STON2: variants seen among roughly 807,000 people sequenced by gnomAD.
STON2 encodes the protein stonin-2.
In STON2, 29 loss-of-function variants were observed where a neutral mutation model predicts 65.7. That is an observed-to-expected ratio of 0.44 (90% CI 0.33 to 0.60). The LOEUF is 0.60. STON2 is among the 20% of genes least tolerant of loss of function. STON2 has a pLI of 0.03. For missense variants in STON2, 1,054 were observed against 1,118.1 expected (o/e 0.94, Z 0.82); for synonymous variants, 404 against 414.2 (o/e 0.98, Z 0.30).
chr14:81,287,175 A>G (rs1440597172), intron 5 of STON2, among the ~76,000 whole-genome samples: 1 of 152,214 alleles, frequency 6.6e-6, no homozygotes, highest in African/African-American at 2.4e-5. Flanking sequence ...GGAGCTTCTA[A>G]CGTGCGTAAA....
At chr14:81,394,463 T>A (rs1425522126) in intron 3 of STON2, among the ~76,000 whole-genome samples, 1 of 152,100 alleles carries the variant, frequency 6.6e-6, no homozygotes, top group Non-Finnish European at 1.5e-5. Flanking sequence ...TACCCCAAGA[T>A]GTCCACATCT....
rs1894396557 is a variant in STON2 at position 81,267,344 on chromosome 14, CTG to C, written c.*1068_*1069del. On this transcript the variant is annotated 3_prime_UTR_variant, in exon 8 of 8. Coordinates refer to ENST00000614646, the MANE Select transcript of STON2 (RefSeq NM_001394390.1). ...GATGCCTTTTCAATCCAATCCAATA[CTG>C]TGATTATCAAACTCTGAATTTTGGG... The C allele has an allele frequency of 1.0e-6, 1 of 985,140 alleles. No individual in the cohort carries two copies. Among genetic ancestry groups the C allele is most frequent in the African/African-American group, 1.7e-5 (1 of 57,184 alleles). 61.0% of individuals were successfully genotyped at this position (985,140 alleles called of 1,614,324 possible).
At position 81,277,273 on chromosome 14, in the gene STON2, C is replaced by CTAA. The variant is rs1566883416; in HGVS notation, c.2208_2209insTTA (p.Thr736_Val737insLeu). On this transcript the variant is annotated inframe_insertion, in exon 6 of 8. Transcript: ENST00000614646. Reference sequence around the variant, plus strand: ...AAAGGCAAGGTCTTCTCAGCAAACACTGTCCTGAACCGCATTAGCTCAAAC... The same window carrying CTAA: ...AAAGGCAAGGTCTTCTCAGCAAACACTAATGTCCTGAACCGCATTAGCTCAAAC... 2 of 1,614,220 alleles carry CTAA rather than the reference C, an allele frequency of 1.2e-6. No individual in the cohort carries two copies. The highest frequency in any genetic ancestry group is 8.5e-7 in the Non-Finnish European group (1 of 1,180,040).
At chr14:81,337,552 TG>T (rs1169013475) in intron 4 of STON2, among the ~76,000 whole-genome samples, 2 of 152,090 alleles carry the variant, frequency 1.3e-5, no homozygotes, top group African/African-American at 4.8e-5. Context: ...ATGAGGTGGT[TG>T]GGGAAGGCCT....
At position 81,262,528 on chromosome 14, in the gene STON2, A is replaced by T. The variant is rs540114121; in HGVS notation, c.*5886T>A. The T allele has an allele frequency of 1.9e-5, 19 of 985,282 alleles. No homozygotes were observed. In the Admixed American group the frequency reaches 1.2e-3, roughly 61 times the overall value. 61.0% of individuals were successfully genotyped at this position (985,282 alleles called of 1,614,324 possible). On this transcript the variant is annotated 3_prime_UTR_variant, in exon 8 of 8. Transcript: ENST00000614646. ...TTTTGAGGCTTGGTACCCAATGCTGATTTGTCATCTCTCTAGATTTTACTT... is the reference window on the plus strand; with the variant it reads ...TTTTGAGGCTTGGTACCCAATGCTGTTTTGTCATCTCTCTAGATTTTACTT...
chr14:81,390,506 G>A (rs1025911925), intron 3 of STON2, among the ~76,000 whole-genome samples: 5 of 152,174 alleles, frequency 3.3e-5, no homozygotes, highest in African/African-American at 7.2e-5. Context: ...ACCCTGCATC[G>A]TGAGCTGGGA....
chr14:81,369,522 A>G (rs1455697999), intron 4 of STON2, among the ~76,000 whole-genome samples: 1 of 152,198 alleles, frequency 6.6e-6, no homozygotes, highest in African/African-American at 2.4e-5. Flanking sequence ...CCAAAGCAAC[A>G]AGAACCTTGC....
At chr14:81,287,437 A>G (rs1048522885) in intron 5 of STON2, among the ~76,000 whole-genome samples, 5 of 152,190 alleles carry the variant, frequency 3.3e-5, no homozygotes, top group African/African-American at 1.2e-4. Context: ...ACCACTTAAC[A>G]TTACTTAACA....
chr14:81,411,329 C>T (rs920131029), intron 2 of STON2, among the ~76,000 whole-genome samples: 13 of 151,550 alleles, frequency 8.6e-5, no homozygotes, highest in Middle Eastern at 3.4e-3. Flanking sequence ...GTGGTATCTT[C>T]TCTCACACTC....
At chr14:81,390,353 G>A (rs183652775) in intron 3 of STON2, among the ~76,000 whole-genome samples, 2 of 152,256 alleles carry the variant, frequency 1.3e-5, no homozygotes, top group African/African-American at 4.8e-5. Flanking sequence ...TGAGCACTGC[G>A]CTATGTCTTT....
At chr14:81,416,796 T>C (rs990537885) in intron 2 of STON2, among the ~76,000 whole-genome samples, 10 of 152,202 alleles carry the variant, frequency 6.6e-5, no homozygotes, top group Non-Finnish European at 1.5e-4. Context: ...AGTCCAGTTG[T>C]GACATAAGGG....
At chr14:81,387,949 CTTTTT>C (rs369887955) in intron 3 of STON2, among the ~76,000 whole-genome samples, 2 of 102,784 alleles carry the variant, frequency 1.9e-5, no homozygotes, top group African/African-American at 8.6e-5. Flanking sequence ...TATTTCTTTT[CTTTTT>C]TTTTTTTTTT....
intron 5 of STON2, among the ~76,000 whole-genome samples, chr14:81,283,631 A>C (rs1159380899): frequency 6.6e-6 from 1 of 150,944 alleles, no homozygotes; most frequent in Non-Finnish European, 1.5e-5. Context: ...CCCGGGTTCA[A>C]GCCATTCTCC....
At chr14:81,295,443 TGA>T (rs1491419471) in intron 5 of STON2, among the ~76,000 whole-genome samples, 2 of 152,268 alleles carry the variant, frequency 1.3e-5, no homozygotes, top group Non-Finnish European at 2.9e-5. Context: ...GGATCTGCGT[TGA>T]GAGTCTTGGT....
At position 81,264,200 on chromosome 14, in the gene STON2, A is replaced by T. The variant is rs578155271; in HGVS notation, c.*4214T>A. 222 of 985,418 alleles carry T rather than the reference A, an allele frequency of 2.3e-4. No homozygotes were observed. Among genetic ancestry groups the T allele is most frequent in the East Asian group, 6.8e-4 (6 of 8,814 alleles). The allele number at this position is 985,418 out of a possible 1,614,324, so 61.0% of individuals were successfully genotyped here. ...GGGCACAAAAATGTTTTTCAATGTG[A>T]ATGAGGTACATTGTAGTTCAAATTC... On this transcript the variant is annotated 3_prime_UTR_variant, in exon 8 of 8. Coordinates refer to ENST00000614646, the MANE Select transcript of STON2 (RefSeq NM_001394390.1).
intron 1 of STON2, among the ~76,000 whole-genome samples, chr14:81,433,504 T>C (rs570256285): frequency 6.6e-6 from 1 of 152,220 alleles, no homozygotes; most frequent in Non-Finnish European, 1.5e-5. Context: ...CCTCCTGATC[T>C]TGTTTCCTTC....
At chr14:81,325,443 CCT>C (rs1896972797) in intron 4 of STON2, among the ~76,000 whole-genome samples, 1 of 75,394 alleles carries the variant, frequency 1.3e-5, no homozygotes, top group Admixed American at 1.1e-4. Flanking sequence ...TTTTTCTCCT[CCT>C]CTTTTTTTTG....
intron 4 of STON2, among the ~76,000 whole-genome samples, chr14:81,366,587 T>C (rs1595401530): frequency 6.6e-6 from 1 of 151,922 alleles, no homozygotes. Flanking sequence ...GGGGGGGCAA[T>C]GACAAACATC....
At chr14:81,333,028 T>TG in intron 4 of STON2, 1 of 590,860 alleles carries the variant, frequency 1.7e-6, no homozygotes. Flanking sequence ...TCTGTTCTTG[T>TG]GTCCCTCTTG....
Sources: allele counts gnomAD v4.1 joint callset (sites outside exome capture counted in the v4.1 genomes callset), GRCh38; gene constraint gnomAD v4.1.1; transcripts MANE v1.5; gene names NCBI Gene and HGNC (gene_info 2026-07-23, HGNC 2026-07-21).